TMEM131: variants seen among roughly 807,000 people sequenced by gnomAD.
The protein encoded by TMEM131 is transmembrane protein 131.
In TMEM131, 66 loss-of-function variants were observed where a neutral mutation model predicts 211.6. The ratio of observed to expected loss-of-function variants is 0.31; its 90% CI spans 0.26 to 0.38. The LOEUF is 0.38. TMEM131 is among the 10% of genes least tolerant of loss of function. The pLI is 1.00. For synonymous variants in TMEM131, 844 were observed against 841.3 expected, an observed-to-expected ratio of 1.00 and a Z score of -0.06; for missense variants, 2,036 against 2,299.3, an observed-to-expected ratio of 0.89 and a Z score of 2.34.
chr2:97,814,843 GT>G (rs1042127917), intron 13 of TMEM131, among the ~76,000 whole-genome samples: 1 of 152,094 alleles, frequency 6.6e-6, no homozygotes, highest in Non-Finnish European at 1.5e-5. Flanking sequence ...AAAGAATTCT[GT>G]TTCGAGTGTC....
At chr2:97,872,899 C>A (rs556314624) in intron 4 of TMEM131, among the ~76,000 whole-genome samples, 1 of 152,296 alleles carries the variant, frequency 6.6e-6, no homozygotes, top group South Asian at 2.1e-4. Context: ...CAGAACCATT[C>A]ACTCCCCTGG....
chr2:97,849,693 CTG>C (rs919887613), intron 5 of TMEM131, among the ~76,000 whole-genome samples: 19 of 140,346 alleles, frequency 1.4e-4, no homozygotes, highest in African/African-American at 4.4e-4. Flanking sequence ...ATGTGTGTGT[CTG>C]TGTGTGTATA....
intron 5 of TMEM131, among the ~76,000 whole-genome samples, chr2:97,848,532 A>T (rs1683551502): frequency 6.6e-6 from 1 of 152,192 alleles, no homozygotes; most frequent in Non-Finnish European, 1.5e-5. Flanking sequence ...TGTAATACTT[A>T]ATACAATGTA....
At chr2:97,837,513 C>CA (rs1682992353) in intron 7 of TMEM131, among the ~76,000 whole-genome samples, 1 of 152,154 alleles carries the variant, frequency 6.6e-6, no homozygotes, top group Non-Finnish European at 1.5e-5. Context: ...GTATTTCTTA[C>CA]AGTAACACAA....
At chr2:97,864,332 C>T (rs1012708388) in intron 4 of TMEM131, among the ~76,000 whole-genome samples, 1 of 151,508 alleles carries the variant, frequency 6.6e-6, no homozygotes, top group Admixed American at 6.6e-5. Flanking sequence ...ACGGTGACTA[C>T]AGTTAAAAAA....
intron 4 of TMEM131, among the ~76,000 whole-genome samples, chr2:97,885,293 T>TTCATG (rs372164636): frequency 4.0e-5 from 6 of 149,714 alleles, no homozygotes; most frequent in Non-Finnish European, 6.0e-5. Flanking sequence ...CGCTTCCCGG[T>TTCATG]CCATTCTCCT....
chr2:97,794,439 TAAG>T (rs1472276219), intron 29 of TMEM131, among the ~76,000 whole-genome samples: 2 of 152,224 alleles, frequency 1.3e-5, no homozygotes, highest in African/African-American at 2.4e-5. Context: ...TTTCTTTTAC[TAAG>T]AAGAATTTTA....
intron 31 of TMEM131, among the ~76,000 whole-genome samples, chr2:97,786,405 A>T (rs1243162345): frequency 6.6e-6 from 1 of 152,100 alleles, no homozygotes; most frequent in Non-Finnish European, 1.5e-5. Flanking sequence ...ATGGTGGTGC[A>T]TACCTACAAG....
chr2:97,958,529 T>C (rs1048842414), intron 1 of TMEM131, among the ~76,000 whole-genome samples: 1 of 152,192 alleles, frequency 6.6e-6, no homozygotes, highest in African/African-American at 2.4e-5. Context: ...CAGCAAAAGG[T>C]AGATTCTGGG....
chr2:97,875,511 A>C (rs1410277070), intron 4 of TMEM131, among the ~76,000 whole-genome samples: 5 of 152,228 alleles, frequency 3.3e-5, no homozygotes, highest in Non-Finnish European at 7.3e-5. Context: ...AAATCATAAC[A>C]AACAGTTTCT....
At chr2:97,865,221 T>G (rs992715976) in intron 4 of TMEM131, among the ~76,000 whole-genome samples, 1 of 152,252 alleles carries the variant, frequency 6.6e-6, no homozygotes, top group African/African-American at 2.4e-5. Context: ...CACACCCAAG[T>G]AACATGATAT....
intron 35 of TMEM131, chr2:97,764,782 CAGA>C (rs763347807): frequency 6.6e-6 from 1 of 152,284 alleles, no homozygotes; most frequent in East Asian, 1.9e-4. Context: ...CCCCTCCACA[CAGA>C]AGGAGTGATG....
chr2:97,782,350 C>T (rs566651697), intron 31 of TMEM131, among the ~76,000 whole-genome samples: 1 of 152,350 alleles, frequency 6.6e-6, no homozygotes, highest in Non-Finnish European at 1.5e-5. Flanking sequence ...CCTTCCTCTG[C>T]CTCTGCCAGA....
Position 97,859,424 on chromosome 2 carries a change from T to A in TMEM131, c.363A>T (p.Pro121=). 1 of 1,564,712 alleles carries A rather than the reference T, an allele frequency of 6.4e-7. No homozygotes were observed. The highest frequency in any genetic ancestry group is 8.6e-7 in the Non-Finnish European group (1 of 1,163,382). The change falls in exon 5 of 41, where the codon CCA becomes CCT. Residue 121 remains proline (P), a synonymous_variant. Coordinates refer to ENST00000186436, the MANE Select transcript of TMEM131 (RefSeq NM_015348.2). ...EPPMLDFHEQ[P]VGMPKMEKVY... is the part of the protein sequence containing the mutation. ...CTTTTTCCATTTTTGGCATTCCAACTGGTCTGTAAAACAAAAAGAAAATTA... is the reference window on the plus strand; with the variant it reads ...CTTTTTCCATTTTTGGCATTCCAACAGGTCTGTAAAACAAAAAGAAAATTA...
intron 6 of TMEM131, among the ~76,000 whole-genome samples, chr2:97,843,833 C>A (rs767518515): frequency 6.6e-6 from 1 of 152,082 alleles, no homozygotes. Flanking sequence ...ACACTATTAT[C>A]AAGTATGCTT....
intron 1 of TMEM131, among the ~76,000 whole-genome samples, chr2:97,981,500 G>A (rs1390721523): frequency 2.0e-5 from 3 of 152,170 alleles, no homozygotes; most frequent in Admixed American, 1.3e-4. Flanking sequence ...GTGTTGTGAA[G>A]CTTTTAGAAC....
chr2:97,894,296 T>C (rs980048975), intron 3 of TMEM131, among the ~76,000 whole-genome samples: 3 of 152,232 alleles, frequency 2.0e-5, no homozygotes, highest in Admixed American at 1.3e-4. Context: ...TGCAGAATAA[T>C]TTGAAGTCAG....
At chr2:97,864,490 C>G (rs1674192980) in intron 4 of TMEM131, among the ~76,000 whole-genome samples, 1 of 151,860 alleles carries the variant, frequency 6.6e-6, no homozygotes, top group Non-Finnish European at 1.5e-5. Flanking sequence ...CTTAGGTAAT[C>G]CATAAATATA....
chr2:97,770,706 C>T (rs898071905), intron 33 of TMEM131, among the ~76,000 whole-genome samples: 6 of 152,154 alleles, frequency 3.9e-5, no homozygotes, highest in African/African-American at 1.4e-4. Context: ...ATCTGCTTAA[C>T]AATACTAAGC....
Sources: gnomAD v4.1 joint callset for allele counts (sites outside exome capture counted in the v4.1 genomes callset) on GRCh38, gnomAD v4.1.1 for gene constraint, MANE v1.5 for transcripts, NCBI Gene and HGNC (gene_info 2026-07-23, HGNC 2026-07-21) for gene names.